TPTE2: variants seen among roughly 807,000 people sequenced by gnomAD.
The protein encoded by TPTE2 is phosphatidylinositol 3,4,5-trisphosphate 3-phosphatase TPTE2.
Under a neutral mutation model 78.6 loss-of-function variants are expected in TPTE2, and 53 were observed. The ratio of observed to expected loss-of-function variants is 0.67; its 90% CI spans 0.54 to 0.85. The LOEUF (loss-of-function observed/expected upper bound fraction) is 0.85. TPTE2 is among the 40% of genes least tolerant of loss of function. The pLI is 0.00. For missense variants in TPTE2, 461 were observed against 623.0 expected, an observed-to-expected ratio of 0.74 and a Z score of 2.77; for synonymous variants, 175 against 206.2, an observed-to-expected ratio of 0.85 and a Z score of 1.30.
Position 19,432,563 on chromosome 13 carries a change from A to G in TPTE2, c.1132T>C (p.Tyr378His), listed in dbSNP as rs1593347716. 2.5e-6 allele frequency: 4 copies of G among 1,598,466 alleles called. No homozygotes were observed. The African/African-American group carries it at 5.4e-5, about 21-fold the overall frequency. ...TAGAGATGTTTCACTTGTGCAAAATATCCAACATATCTATTCTGAAAAGCA... is the reference window on the plus strand; with the variant it reads ...TAGAGATGTTTCACTTGTGCAAAATGTCCAACATATCTATTCTGAAAAGCA... The change falls in exon 16 of 20, where the codon TAT becomes CAT. Residue 378 changes from tyrosine (Y) to histidine (H), a missense_variant. By Grantham distance (83) the Tyr-to-His change is moderately conservative. Transcript: ENST00000400230.
chr13:19,537,297 G>A (rs149966384), upstream of TPTE2, among the ~76,000 whole-genome samples: 3,604 of 149,088 alleles, frequency 0.024, 128 homozygotes, highest in African/African-American at 0.078. Context: ...GCAGTGGCGC[G>A]ATCTTGGCTC....
At chr13:19,443,629 C>CCTGGCCT (rs1877629784) in intron 13 of TPTE2, among the ~76,000 whole-genome samples, 1 of 152,018 alleles carries the variant, frequency 6.6e-6, no homozygotes, top group African/African-American at 2.4e-5. Flanking sequence ...GTCTTAAACT[C>CCTGGCCT]CTGGCCTCAA....
chr13:19,467,351 T>C lies in TPTE2; in HGVS notation c.393-7A>G, dbSNP rs774477784. 9.0e-6 allele frequency: 11 copies of C among 1,224,444 alleles called. No individual in the cohort carries two copies. In the African/African-American group the frequency reaches 1.5e-4, roughly 16 times the overall value. The allele number at this position is 1,224,444 out of a possible 1,614,324, so 75.8% of individuals were successfully genotyped here. A position where few individuals can be genotyped will look rare whatever the true frequency, so the allele number is the denominator to read the frequency against. ...AGAAAAATACTGCTGTCTCCTGTAA[T>C]ATAAAAAAAAAAAAAAAAAAGTTCA... On this transcript the variant is annotated splice_region_variant and splice_polypyrimidine_tract_variant and intron_variant, in intron 6 of 19. Coordinates refer to ENST00000400230, the Ensembl canonical transcript of TPTE2.
intron 13 of TPTE2, among the ~76,000 whole-genome samples, chr13:19,441,347 C>T (rs1408340980): frequency 1.3e-5 from 2 of 151,976 alleles, no homozygotes; most frequent in East Asian, 3.9e-4. Flanking sequence ...TGCGATCACT[C>T]ACACCCCAAA....
exon 2 of TPTE2, chr13:19,493,498 T>C (rs1881132945): frequency 2.5e-6 from 4 of 1,613,534 alleles, no homozygotes; most frequent in Non-Finnish European, 3.4e-6. Flanking sequence ...CGTTTGTCTG[T>C]GGACTAGCGG....
the TPTE2 span, among the ~76,000 whole-genome samples, chr13:19,541,926 TA>T: frequency 6.6e-6 from 1 of 152,166 alleles, no homozygotes; most frequent in Non-Finnish European, 1.5e-5. Context: ...GAATGTTCAG[TA>T]GAACATTCAT....
chr13:19,488,982 C>T (rs1429368895), intron 3 of TPTE2, among the ~76,000 whole-genome samples: 1 of 152,012 alleles, frequency 6.6e-6, no homozygotes, highest in Non-Finnish European at 1.5e-5. Flanking sequence ...ACTCAGAGAC[C>T]ATCATAGGCT....
chr13:19,467,107 C>G, intron 7 of TPTE2, 118 bp downstream of exon 10: 1 of 1,247,992 alleles, frequency 8.0e-7, no homozygotes, highest in East Asian at 2.8e-5. Context: ...CATTTTAAAG[C>G]AATGTATTTG....
intron 4 of TPTE2, among the ~76,000 whole-genome samples, chr13:19,475,875 C>T (rs1879906658): frequency 6.6e-6 from 1 of 152,088 alleles, no homozygotes; most frequent in Non-Finnish European, 1.5e-5. Flanking sequence ...AAGCCCCAAC[C>T]CCAACTTTAT....
the TPTE2 span, chr13:19,560,805 C>G: frequency 6.7e-7 from 1 of 1,495,998 alleles, no homozygotes; most frequent in Non-Finnish European, 9.1e-7. Context: ...CTTGTACTCC[C>G]GCCCACCCCG....
chr13:19,451,307 T>G, intron 10 of TPTE2, 82 bp from the exon 14 acceptor site: 7 of 1,560,988 alleles, frequency 4.5e-6, no homozygotes, highest in Non-Finnish European at 5.3e-6. Flanking sequence ...AAATGGTTAT[T>G]ACTTTTATTA....
upstream of TPTE2, among the ~76,000 whole-genome samples, chr13:19,540,123 A>G (rs1417670399): frequency 2.0e-5 from 3 of 152,266 alleles, no homozygotes; most frequent in East Asian, 5.8e-4. Context: ...CAGCCTGAGC[A>G]GCAAGAGCAA....
At chr13:19,528,076 G>A (rs1282400499) in intron 1 of TPTE2, among the ~76,000 whole-genome samples, 4 of 151,980 alleles carry the variant, frequency 2.6e-5, no homozygotes, top group Admixed American at 2.6e-4. Flanking sequence ...CCTCAACTCT[G>A]GCACTATCTA....
intron 3 of TPTE2, among the ~76,000 whole-genome samples, chr13:19,484,999 G>A: frequency 6.6e-6 from 1 of 152,096 alleles, no homozygotes; most frequent in South Asian, 2.1e-4. Flanking sequence ...TGGTAGGTGA[G>A]GAGTTACTTC....
At chr13:19,532,495 G>A (rs1279243855) in intron 1 of TPTE2, among the ~76,000 whole-genome samples, 1 of 152,194 alleles carries the variant, frequency 6.6e-6, no homozygotes, top group African/African-American at 2.4e-5. Flanking sequence ...ACCCTCACCA[G>A]ATAAATGAAC....
At chr13:19,448,204 C>T (rs1308660534) in intron 13 of TPTE2, among the ~76,000 whole-genome samples, 4 of 152,110 alleles carry the variant, frequency 2.6e-5, no homozygotes, top group South Asian at 2.1e-4. Context: ...AACTGTGAAA[C>T]GTGAAATTGG....
rs568913930 is a variant in TPTE2 at position 19,527,542 on chromosome 13, C to A, written c.-44+9054G>T. On this transcript the variant is annotated intron_variant, in intron 1 of 17. Transcript: ENST00000390680. ...ATTAATACACTGCAAGTTGGATAAA[C>A]CTTGAAAACATGCTACATGAGAGAA... 6.7e-3 allele frequency among the ~76,000 whole-genome samples: 1,022 copies of A among 152,190 alleles called. 9 individuals are homozygous for A. Among genetic ancestry groups the A allele is most frequent in the African/African-American group, 0.022 (905 of 41,514 alleles).
chr13:19,444,074 G>T (rs1877670469), intron 13 of TPTE2, among the ~76,000 whole-genome samples: 2 of 151,964 alleles, frequency 1.3e-5, no homozygotes, highest in Admixed American at 1.3e-4. Flanking sequence ...GGAGGCTGAG[G>T]CTGGCAGATA....
At chr13:19,468,603 A>G (rs1418135678) in intron 6 of TPTE2, among the ~76,000 whole-genome samples, 1 of 152,154 alleles carries the variant, frequency 6.6e-6, no homozygotes, top group Non-Finnish European at 1.5e-5. Context: ...CTGTTCTCCA[A>G]TTGATTCTAC....
Sources: allele counts gnomAD v4.1 joint callset (sites outside exome capture counted in the v4.1 genomes callset), GRCh38; gene constraint gnomAD v4.1.1; transcripts MANE v1.5; gene names NCBI Gene and HGNC (gene_info 2026-07-23, HGNC 2026-07-21).